Variants in ERCC2 observed in about 807,000 individuals in gnomAD.
ERCC2 encodes the protein ERCC excision repair 2, TFIIH core complex helicase subunit.
Under a neutral mutation model 99.4 loss-of-function variants are expected in ERCC2, and 90 were observed. The observed-to-expected ratio is 0.91, with a 90% CI of 0.76 to 1.08. The LOEUF (loss-of-function observed/expected upper bound fraction) is 1.08, where lower values mean the gene tolerates loss of function less well. Ranked by LOEUF, ERCC2 falls within the 50% of genes least tolerant of loss-of-function variation. ERCC2 has a pLI of 0.00. For synonymous variants in ERCC2, 497 were observed against 432.4 expected (o/e 1.15, Z -1.85); for missense variants, 993 against 1,038.1 (o/e 0.96, Z 0.60).
chr19:45,363,935 C>G (rs558585994), intron 10 of ERCC2, 24 bp from the exon 11 acceptor site: 7 of 1,533,972 alleles, frequency 4.6e-6, no homozygotes, highest in Non-Finnish European at 5.2e-6. Flanking sequence ...CTATCAGCGG[C>G]GACGGGGAGG....
chr19:45,356,591 CTT>C (rs1291583965), intron 15 of ERCC2, among the ~76,000 whole-genome samples: 1 of 152,212 alleles, frequency 6.6e-6, no homozygotes, highest in Non-Finnish European at 1.5e-5. Flanking sequence ...GGGCGGATCA[CTT>C]GAGGTCAGGA....
rs1193120758 is a variant in ERCC2, at chr19:45,351,575, G to A, written c.*54C>T. 1.2e-6 allele frequency: 2 copies of A among 1,610,810 alleles called. No homozygotes were observed. Among genetic ancestry groups the A allele is most frequent in the Non-Finnish European group, 1.7e-6 (2 of 1,179,574 alleles). On this transcript the variant is annotated 3_prime_UTR_variant, in exon 23 of 23. Coordinates refer to ENST00000391945, the MANE Select transcript of ERCC2 (RefSeq NM_000400.4). The stretch of plus-strand genomic sequence containing the variant: ...AGCACCACCGCCGCTGGGAACCAGG[G>A]CCAGGCAAGACTCAGGAGTCACCAG...
intron 11 of ERCC2, among the ~76,000 whole-genome samples, 194 bp downstream of exon 11, chr19:45,363,549 C>T (rs1489916948): frequency 2.0e-5 from 3 of 152,220 alleles, no homozygotes; most frequent in African/African-American, 7.2e-5. Flanking sequence ...CCCTGCCCGA[C>T]GCACGGACCC....
chr19:45,362,082 C>G (rs1010402346), intron 11 of ERCC2, among the ~76,000 whole-genome samples: 1 of 152,110 alleles, frequency 6.6e-6, no homozygotes, highest in African/African-American at 2.4e-5. Context: ...CCTGCCACCA[C>G]ACTCAGCTAA....
At position 45,363,752 on chromosome 19, in the gene ERCC2, T is replaced by C. The variant is rs1029369684; in HGVS notation, c.1109A>G (p.Lys370Arg). 6.5e-7 allele frequency: 1 copy of C among 1,534,126 alleles called. No individual in the cohort carries two copies. The highest frequency in any genetic ancestry group is 8.7e-7 in the Non-Finnish European group (1 of 1,146,428). ...CTGTCTGGGGCCGCACCTGAGGGGC[T>C]TGCGCTGGATGCACACGCGCTGGGC... is the stretch of plus-strand genomic sequence containing the variant. ...GLAQRVCIQR[K>R]PLRFCAERLR... The change falls in exon 11 of 23, where the codon AAG becomes AGG. Residue 370 changes from lysine (K) to arginine (R), a missense_variant. Lys to Arg is a conservative substitution (Grantham distance 26). This residue lies in a region of ERCC2 where 909 missense variants were observed against 930.8 expected (regional missense o/e 0.98). Transcript: ENST00000391945.
In ERCC2 at chr19:45,365,063, C is replaced by T; in HGVS notation, c.456G>A (p.Leu152=). 1 of 1,614,086 alleles carries T rather than the reference C, an allele frequency of 6.2e-7. No homozygotes were observed. Among genetic ancestry groups the T allele is most frequent in the South Asian group, 1.1e-5 (1 of 91,072 alleles). Residue 152 remains leucine (L), a synonymous_variant, in exon 6 of 23, where the codon CTG becomes CTA. Transcript: ENST00000391945. ...TAACCTCATAGAATCGGCAGTGGGG[C>T]AGGCTGGTGTCATGCTGGTACTGCG... ...VRAQYQHDTS[L]PHCRFYEEFD...
At position 45,355,686 on chromosome 19, in the gene ERCC2, A is replaced by G. The variant is rs575225436; in HGVS notation, c.1522T>C (p.Phe508Leu). 1 of 1,614,122 alleles carries G rather than the reference A, an allele frequency of 6.2e-7. No homozygotes were observed. Among genetic ancestry groups the G allele is most frequent in the South Asian group, 1.1e-5 (1 of 91,084 alleles). ...GNDQVAISSKFETREDIAVIR... is the reference protein window; with the variant it reads ...GNDQVAISSKLETREDIAVIR... ...ATACCAATATCCTCCCGGGTCTCAA[A>G]TTTGGAGCTGATGGCCACCTGGTCA... The change falls in exon 16 of 23, where the codon TTT becomes CTT. Residue 508 changes from phenylalanine (F) to leucine (L), a missense_variant. Phe to Leu is a conservative substitution (Grantham distance 22). Transcript: ENST00000391945.
intron 5 of ERCC2, among the ~76,000 whole-genome samples, chr19:45,367,362 TATATATACAC>T (rs1037955768): frequency 7.0e-4 from 39 of 56,054 alleles, no homozygotes; most frequent in African/African-American, 1.7e-3. Context: ...AAAATATATA[TATATATACAC>T]ACACACACAC....
chr19:45,350,266 A>T lies in ERCC2; in HGVS notation c.*1363T>A. On this transcript the variant is annotated 3_prime_UTR_variant, in exon 23 of 23. Coordinates refer to ENST00000391945, the MANE Select transcript of ERCC2 (RefSeq NM_000400.4). ...CCAAGACCCCTGTCTCTACAAAAAAAAAAAAAAAGGCGGGACTGGATGCAG... is the reference window on the plus strand; with the variant it reads ...CCAAGACCCCTGTCTCTACAAAAAATAAAAAAAAGGCGGGACTGGATGCAG... 8.3e-7 allele frequency: 1 copy of T among 1,202,184 alleles called. No individual in the cohort carries two copies. The highest frequency in any genetic ancestry group is 1.2e-6 in the Non-Finnish European group (1 of 844,310). 74.5% of individuals were successfully genotyped at this position (1,202,184 alleles called of 1,614,324 possible).
At position 45,353,299 on chromosome 19, in the gene ERCC2, G is replaced by C; in HGVS notation, c.1701C>G (p.Leu567=). 1 of 1,614,026 alleles carries C rather than the reference G, an allele frequency of 6.2e-7. No homozygotes were observed. The highest frequency in any genetic ancestry group is 8.5e-7 in the Non-Finnish European group (1 of 1,179,982). Residue 567 remains leucine, a synonymous_variant, in exon 18 of 23, where the codon CTC becomes CTG. Transcript: ENST00000391945. ...CGGCACCATCCTGGGTCTCAATAAA[G>C]AGCAGCTTGTTCCTCTGGATGTTCT... ...ILENIQRNKL[L]FIETQDGAET...
intron 21 of ERCC2, 30 bp downstream of exon 21, chr19:45,352,476 G>A (rs369605942): frequency 1.3e-5 from 21 of 1,614,104 alleles, no homozygotes; most frequent in Non-Finnish European, 1.7e-5. Context: ...AGCCTGGGAT[G>A]GGAGCACAGG....
In ERCC2 at chr19:45,363,784, G is replaced by A. The variant is rs1568541605; in HGVS notation, c.1077C>T (p.Ser359=). 2.6e-6 allele frequency: 4 copies of A among 1,538,420 alleles called. No individual in the cohort carries two copies. Among genetic ancestry groups the A allele is most frequent in the South Asian group, 1.2e-5 (1 of 84,246 alleles). The change falls in exon 11 of 23, where the codon AGC becomes AGT. Residue 359 remains serine (S), a synonymous_variant. Transcript: ENST00000391945. ...GGATGCACACGCGCTGGGCCAGGCCGCTCAGGAAGGCGGGCGGGCTCTCCT... is the reference window on the plus strand; with the variant it reads ...GGATGCACACGCGCTGGGCCAGGCCACTCAGGAAGGCGGGCGGGCTCTCCT... ...VVQESPPAFL[S]GLAQRVCIQR...
At chr19:45,352,181 G>C in intron 22 of ERCC2, 28 bp downstream of exon 22, 1 of 1,611,926 alleles carries the variant, frequency 6.2e-7, no homozygotes, top group Non-Finnish European at 8.5e-7. Context: ...AGCCTGGGAG[G>C]GTGCCGGGAG....
At position 45,370,138 on chromosome 19, in the gene ERCC2, C is replaced by T. The variant is rs768632615; in HGVS notation, c.100G>A (p.Ala34Thr). The change falls in exon 2 of 23, where the codon GCC becomes ACC. Residue 34 changes from alanine (A) to threonine (T), a missense_variant. Ala to Thr is a moderately conservative substitution (Grantham distance 58). Coordinates refer to ENST00000391945, the MANE Select transcript of ERCC2 (RefSeq NM_000400.4). ...CGGGCCCACCGGCCACCCACCTTGGCGTCCAGCGTGCGTTTGAGCTCCCGC... is the reference window on the plus strand; with the variant it reads ...CGGGCCCACCGGCCACCCACCTTGGTGTCCAGCGTGCGTTTGAGCTCCCGC... ...YMRELKRTLD[A>T]KGHGVLEMPS... 9 of 1,612,926 alleles carry T rather than the reference C, an allele frequency of 5.6e-6. No individual in the cohort carries two copies. The Middle Eastern group carries it at 6.6e-4, about 118-fold the overall frequency.
chr19:45,353,895 C>A (rs80221022), intron 17 of ERCC2, among the ~76,000 whole-genome samples: 2,003 of 152,296 alleles, frequency 0.013, 43 homozygotes, highest in African/African-American at 0.046. Context: ...AAACCACAAG[C>A]TCCTAGAAGG....
chr19:45,351,864 C>A, intron 22 of ERCC2, 143 bp from the exon 23 acceptor site: 14 of 747,122 alleles, frequency 1.9e-5, no homozygotes, highest in Middle Eastern at 3.8e-4. Context: ...TAATCCAGAG[C>A]GGGCCATCCC....
chr19:45,361,863 C>T (rs1372828431), intron 11 of ERCC2: 1 of 567,380 alleles, frequency 1.8e-6, no homozygotes, highest in African/African-American at 1.8e-5. Flanking sequence ...GAGCAATAAT[C>T]AGACACTCCA....
At chr19:45,354,602 G>T (rs1004205225) in intron 17 of ERCC2, 128 bp downstream of exon 17, 1 of 1,210,730 alleles carries the variant, frequency 8.3e-7, no homozygotes, top group Non-Finnish European at 1.2e-6. Context: ...ATTCCTACAT[G>T]CTGCACACAC....
Position 45,353,300 on chromosome 19 carries a change from A to G in ERCC2, c.1700T>C (p.Leu567Pro). 1 of 1,613,982 alleles carries G rather than the reference A, an allele frequency of 6.2e-7. No individual in the cohort carries two copies. Among genetic ancestry groups the G allele is most frequent in the Non-Finnish European group, 8.5e-7 (1 of 1,179,970 alleles). ...GGCACCATCCTGGGTCTCAATAAAG[A>G]GCAGCTTGTTCCTCTGGATGTTCTC... is the stretch of plus-strand genomic sequence containing the variant. ...ILENIQRNKL[L>P]FIETQDGAET... The change falls in exon 18 of 23, where the codon CTC becomes CCC. Residue 567 changes from leucine to proline, a missense_variant. Coordinates refer to ENST00000391945, the MANE Select transcript of ERCC2 (RefSeq NM_000400.4).
Sources: allele counts gnomAD v4.1 joint callset (sites outside exome capture counted in the v4.1 genomes callset), GRCh38; gene constraint gnomAD v4.1.1; regional missense constraint gnomAD v4.1.1; transcripts MANE v1.5; gene names NCBI Gene and HGNC (gene_info 2026-07-23, HGNC 2026-07-21).